Variants in SLC14A2 observed in about 807,000 individuals in gnomAD.
The protein encoded by SLC14A2 is urea transporter 2.
In SLC14A2, 91 loss-of-function variants were observed where a neutral mutation model predicts 104.6. That is an observed-to-expected ratio of 0.87 (90% CI 0.73 to 1.04). The LOEUF (loss-of-function observed/expected upper bound fraction) is 1.04. SLC14A2 is among the 50% of genes least tolerant of loss of function. The pLI is 0.00. For synonymous variants in SLC14A2, 476 were observed against 466.4 expected (o/e 1.02, Z -0.27); for missense variants, 1,189 against 1,156.0 (o/e 1.03, Z -0.41).
chr18:45,525,422 G>C (rs552956799), intron 2 of SLC14A2, among the ~76,000 whole-genome samples: 5 of 152,174 alleles, frequency 3.3e-5, no homozygotes, highest in Non-Finnish European at 7.3e-5. Flanking sequence ...TGCATGTCTT[G>C]AAGAATGTCT....
At chr18:45,185,335 G>T in the SLC14A2 span, among the ~76,000 whole-genome samples, 1 of 152,180 alleles carries the variant, frequency 6.6e-6, no homozygotes, top group Non-Finnish European at 1.5e-5. Context: ...CCACAGGGAA[G>T]ATCTAAAGCA....
rs528507395 is a variant in SLC14A2 at position 45,631,138 on chromosome 18, G to C, written c.522-1212G>C. Among the ~76,000 whole-genome samples, 3 of 152,318 alleles carry C rather than the reference G, an allele frequency of 2.0e-5. No homozygotes were observed. The South Asian group carries it at 6.2e-4, about 32-fold the overall frequency. ...GCCATGCAAGAACAGCCAACACATG[G>C]TAAGGTTTAGCACGCCCACATTATT... On this transcript the variant is annotated intron_variant, in intron 4 of 19. Coordinates refer to ENST00000255226, the MANE Select transcript of SLC14A2 (RefSeq NM_007163.4).
chr18:45,501,587 C>G (rs922161273), intron 2 of SLC14A2, among the ~76,000 whole-genome samples: 2 of 152,134 alleles, frequency 1.3e-5, no homozygotes, highest in Admixed American at 6.5e-5. Flanking sequence ...ATGTCCCTGG[C>G]AAAGATGCAG....
At chr18:45,571,075 CAG>C (rs896952593) in intron 2 of SLC14A2, among the ~76,000 whole-genome samples, 25 of 152,306 alleles carry the variant, frequency 1.6e-4, no homozygotes, top group African/African-American at 6.0e-4. Flanking sequence ...CTAGACTCCT[CAG>C]AGTTTATTGG....
intron 1 of SLC14A2, among the ~76,000 whole-genome samples, chr18:45,366,687 C>T (rs1165397139): frequency 2.0e-5 from 3 of 152,182 alleles, no homozygotes; most frequent in Non-Finnish European, 2.9e-5. Context: ...AGGACCCATG[C>T]GTGAATCCCT....
intron 1 of SLC14A2, among the ~76,000 whole-genome samples, chr18:45,402,626 A>G (rs899174800): frequency 6.6e-6 from 1 of 152,170 alleles, no homozygotes; most frequent in Non-Finnish European, 1.5e-5. Flanking sequence ...TCATAAAATC[A>G]TTGTGCCTTG....
At chr18:45,239,862 A>G (rs2144046458) in intron 1 of SLC14A2, among the ~76,000 whole-genome samples, 1 of 152,338 alleles carries the variant, frequency 6.6e-6, no homozygotes, top group Non-Finnish European at 1.5e-5. Context: ...AGAGTGAATG[A>G]ATGAATCCTT....
chr18:45,415,215 T>C (rs2086264228), intron 1 of SLC14A2, among the ~76,000 whole-genome samples: 1 of 152,168 alleles, frequency 6.6e-6, no homozygotes. Flanking sequence ...AGTTACTCTT[T>C]ACTGCAGACT....
At position 45,563,692 on chromosome 18, in the gene SLC14A2, C is replaced by T. The variant is rs28579714; in HGVS notation, c.-34-60939C>T. ...TCTATCTTTTACCAAACTGCAAACT[C>T]TTTGATCATCTCTTTAAATGACTAT... On this transcript the variant is annotated intron_variant, in intron 2 of 20. Transcript: ENST00000586448. 6.6e-5 allele frequency among the ~76,000 whole-genome samples: 10 copies of T among 152,302 alleles called. No homozygotes were observed. In the East Asian group the frequency reaches 1.9e-3, roughly 29 times the overall value.
chr18:45,236,157 GTA>G (rs1346705514), intron 1 of SLC14A2, among the ~76,000 whole-genome samples: 3 of 58,010 alleles, frequency 5.2e-5, no homozygotes, highest in East Asian at 4.1e-4. Context: ...ATATATGTGT[GTA>G]TATATGTGTA....
At chr18:45,432,846 ATCT>A in intron 1 of SLC14A2, among the ~76,000 whole-genome samples, 1 of 152,272 alleles carries the variant, frequency 6.6e-6, no homozygotes, top group Non-Finnish European at 1.5e-5. Flanking sequence ...GAGTCATTAA[ATCT>A]AACCTTAGGG....
At chr18:45,354,930 GTTTGT>G (rs903853463) in intron 1 of SLC14A2, among the ~76,000 whole-genome samples, 5 of 152,138 alleles carry the variant, frequency 3.3e-5, no homozygotes, top group Admixed American at 6.5e-5. Flanking sequence ...GTTTTGTTTT[GTTTGT>G]TTTGTTTTGT....
intron 2 of SLC14A2, among the ~76,000 whole-genome samples, chr18:45,583,382 T>C (rs1370212421): frequency 6.6e-6 from 1 of 152,230 alleles, no homozygotes; most frequent in Non-Finnish European, 1.5e-5. Flanking sequence ...CACTACAGTC[T>C]GTCCTATTCA....
chr18:45,680,941 C>T (rs1247114665), intron 19 of SLC14A2, among the ~76,000 whole-genome samples: 1 of 152,144 alleles, frequency 6.6e-6, no homozygotes, highest in Non-Finnish European at 1.5e-5. Flanking sequence ...ACAGACCCAG[C>T]TCTGGTAGCA....
At chr18:45,464,501 T>C (rs1327262376) in intron 1 of SLC14A2, among the ~76,000 whole-genome samples, 1 of 152,158 alleles carries the variant, frequency 6.6e-6, no homozygotes, top group East Asian at 1.9e-4. Flanking sequence ...TCAAATAAGA[T>C]AGATTCAAAA....
intron 2 of SLC14A2, among the ~76,000 whole-genome samples, chr18:45,554,807 G>A (rs1441253594): frequency 6.6e-6 from 1 of 152,142 alleles, no homozygotes. Context: ...TGCTACTTTA[G>A]GGAAAGATCT....
At chr18:45,646,845 T>C (rs914887532) in intron 10 of SLC14A2, 2 of 152,186 alleles carry the variant, frequency 1.3e-5, no homozygotes, top group Non-Finnish European at 2.9e-5. Context: ...CAGGCCATGA[T>C]GAGAGAAGAA....
upstream of SLC14A2, chr18:45,614,765 C>T (rs1165362117): frequency 6.6e-6 from 1 of 151,780 alleles, no homozygotes; most frequent in Non-Finnish European, 1.5e-5. Flanking sequence ...CTCCTGCACC[C>T]CCACTGTATC....
At chr18:45,546,751 G>A (rs886280139) in intron 2 of SLC14A2, among the ~76,000 whole-genome samples, 2 of 152,028 alleles carry the variant, frequency 1.3e-5, no homozygotes, top group Non-Finnish European at 2.9e-5. Context: ...ATACTAATAG[G>A]ACCTACCTCA....
Sources: allele counts gnomAD v4.1 joint callset (sites outside exome capture counted in the v4.1 genomes callset), GRCh38; gene constraint gnomAD v4.1.1; transcripts MANE v1.5; gene names NCBI Gene and HGNC (gene_info 2026-07-23, HGNC 2026-07-21).